SLC9C1: variants seen among roughly 807,000 people sequenced by gnomAD.
The protein encoded by SLC9C1 is solute carrier family 9 member C1.
SLC9C1 carries 97 observed loss-of-function variants against 140.9 expected under a neutral mutation model. The ratio of observed to expected loss-of-function variants is 0.69; its 90% confidence interval spans 0.58 to 0.82. SLC9C1 has a LOEUF of 0.82. Ranked by LOEUF, SLC9C1 falls within the 40% of genes least tolerant of loss-of-function variation. The pLI is 0.00. For synonymous variants in SLC9C1, 440 were observed against 442.6 expected (o/e 0.99, Z 0.07); for missense variants, 1,340 against 1,389.3 (o/e 0.96, Z 0.56).
intron 8 of SLC9C1, among the ~76,000 whole-genome samples, chr3:112,265,869 T>A (rs2079904391): frequency 6.6e-6 from 1 of 152,138 alleles, no homozygotes; most frequent in South Asian, 2.1e-4. Context: ...TTCAACTTAA[T>A]TAAACTTAAT....
Position 112,179,715 on chromosome 3 carries a change from A to G in SLC9C1, c.2749-14T>C. The stretch of plus-strand genomic sequence containing the variant: ...TGATTTTTCAAGCTGTTCAGGAACA[A>G]AGAAAGAGAAAAATACATATGCCAG... On this transcript the variant is annotated splice_polypyrimidine_tract_variant and intron_variant, in intron 22 of 28. Coordinates refer to ENST00000305815, the MANE Select transcript of SLC9C1 (RefSeq NM_183061.3). 6.4e-7 allele frequency: 1 copy of G among 1,565,218 alleles called. No individual in the cohort carries two copies. The highest frequency in any genetic ancestry group is 8.6e-7 in the Non-Finnish European group (1 of 1,163,462).
At chr3:112,266,155 C>T (rs529127003) in intron 8 of SLC9C1, 83 bp downstream of exon 8, 2 of 1,005,612 alleles carry the variant, frequency 2.0e-6, no homozygotes, top group African/African-American at 1.7e-5. Context: ...CTTACTTCGA[C>T]CATGTAGATG....
intron 3 of SLC9C1, 42 bp from the exon 4 acceptor site, chr3:112,278,899 C>T (rs755985522): frequency 6.6e-7 from 1 of 1,511,008 alleles, no homozygotes; most frequent in South Asian, 1.4e-5. Flanking sequence ...TTATTCATCA[C>T]TATTAGAATA....
At chr3:112,250,520 G>C (rs1383981303) in intron 10 of SLC9C1, among the ~76,000 whole-genome samples, 2 of 149,770 alleles carry the variant, frequency 1.3e-5, no homozygotes, top group African/African-American at 2.5e-5. Context: ...CTAGTTTACA[G>C]TCCCACCAAC....
chr3:112,239,593 G>C (rs71616138), intron 12 of SLC9C1, among the ~76,000 whole-genome samples: 44,844 of 151,886 alleles, frequency 0.3, 7,146 homozygotes, highest in East Asian at 0.41. Flanking sequence ...GGCCATCTTG[G>C]AACCATGCCC....
At chr3:112,256,851 G>A (rs1005980960) in intron 10 of SLC9C1, among the ~76,000 whole-genome samples, 2 of 152,074 alleles carry the variant, frequency 1.3e-5, no homozygotes, top group African/African-American at 4.8e-5. Flanking sequence ...CTGGTAAACA[G>A]CTTCAGCAAA....
chr3:112,234,001 T>G (rs1489765879), intron 12 of SLC9C1, among the ~76,000 whole-genome samples: 1 of 152,214 alleles, frequency 6.6e-6, no homozygotes, highest in Non-Finnish European at 1.5e-5. Context: ...TACCCAGTAA[T>G]GGGATGGCTG....
At chr3:112,287,495 T>A (rs1307836872) in intron 1 of SLC9C1, among the ~76,000 whole-genome samples, 1 of 152,168 alleles carries the variant, frequency 6.6e-6, no homozygotes, top group Non-Finnish European at 1.5e-5. Flanking sequence ...CAAAAAACTT[T>A]CTTAAATCAG....
At chr3:112,166,522 T>C (rs938218073) in intron 26 of SLC9C1, among the ~76,000 whole-genome samples, 1 of 152,224 alleles carries the variant, frequency 6.6e-6, no homozygotes, top group African/African-American at 2.4e-5. Context: ...TCCCACATTG[T>C]GTTTTCAGTG....
At chr3:112,259,615 G>A (rs999531659) in intron 10 of SLC9C1, among the ~76,000 whole-genome samples, 8 of 152,002 alleles carry the variant, frequency 5.3e-5, no homozygotes, top group African/African-American at 1.9e-4. Context: ...CAGACACTGG[G>A]CTTACTTGAG....
chr3:112,240,095 T>G, intron 11 of SLC9C1, 89 bp from the exon 12 acceptor site: 1 of 1,199,448 alleles, frequency 8.3e-7, no homozygotes, highest in Non-Finnish European at 1.2e-6. Flanking sequence ...TAACTTATTG[T>G]CACTAATCTT....
chr3:112,237,691 G>T (rs1054455647), intron 12 of SLC9C1, among the ~76,000 whole-genome samples: 5 of 152,000 alleles, frequency 3.3e-5, no homozygotes, highest in Admixed American at 6.6e-5. Flanking sequence ...GTCTGTAAAG[G>T]ATTTTATTTC....
intron 3 of SLC9C1, 151 bp downstream of exon 3, chr3:112,280,532 A>G: frequency 1.5e-6 from 1 of 662,428 alleles, no homozygotes; most frequent in Non-Finnish European, 2.5e-6. Context: ...TCCTTTTTCT[A>G]CATACCTGAC....
rs535079782 is a variant in SLC9C1 at position 112,233,771 on chromosome 3, G to A, written c.1447-2285C>T. On this transcript the variant is annotated intron_variant, in intron 12 of 28. Transcript: ENST00000305815. Reference sequence around the variant, plus strand: ...TTGTGATAGTTGGCTGAGAATGATGGTTTCCAGCTTCATCCATGTCCCTAC... The same window carrying A: ...TTGTGATAGTTGGCTGAGAATGATGATTTCCAGCTTCATCCATGTCCCTAC... Among the ~76,000 whole-genome samples, 527 of 151,914 alleles carry A rather than the reference G, an allele frequency of 3.5e-3. 14 individuals are homozygous for A. Among genetic ancestry groups the A allele is most frequent in the Admixed American group, 0.026 (392 of 15,256 alleles).
chr3:112,228,395 CA>C (rs1033368399), intron 13 of SLC9C1, among the ~76,000 whole-genome samples: 2 of 151,880 alleles, frequency 1.3e-5, no homozygotes, highest in Non-Finnish European at 1.5e-5. Flanking sequence ...AAAATAAACT[CA>C]AAATAGATTA....
intron 2 of SLC9C1, among the ~76,000 whole-genome samples, chr3:112,285,748 G>T (rs1251119905): frequency 1.3e-5 from 2 of 152,004 alleles, no homozygotes; most frequent in Non-Finnish European, 2.9e-5. Flanking sequence ...ATGGTATTCA[G>T]TTATAATTTA....
chr3:112,192,747 G>A (rs1247638608), intron 20 of SLC9C1, among the ~76,000 whole-genome samples: 1 of 151,950 alleles, frequency 6.6e-6, no homozygotes, highest in Non-Finnish European at 1.5e-5. Context: ...ATCATGAATT[G>A]TTTTTCTGAT....
chr3:112,238,462 T>A (rs6766585), intron 12 of SLC9C1, among the ~76,000 whole-genome samples: 89,516 of 151,648 alleles, frequency 0.59, 26,914 homozygotes, highest in East Asian at 0.79. Context: ...CAACTCGTCA[T>A]ATTCATTCTC....
intron 1 of SLC9C1, among the ~76,000 whole-genome samples, chr3:112,289,272 A>G (rs191179875): frequency 1.3e-5 from 2 of 152,352 alleles, no homozygotes; most frequent in Admixed American, 6.5e-5. Context: ...ACCATGGGGT[A>G]TATCAGCAAA....
Sources: allele counts gnomAD v4.1 joint callset (sites outside exome capture counted in the v4.1 genomes callset), GRCh38; gene constraint gnomAD v4.1.1; transcripts MANE v1.5; gene names NCBI Gene and HGNC (gene_info 2026-07-23, HGNC 2026-07-21).